Variants in PPTC7 observed in about 807,000 individuals in gnomAD.
PPTC7 encodes the protein protein phosphatase PTC7 homolog.
In PPTC7, 6 loss-of-function variants were observed where a neutral mutation model predicts 30.8. The observed-to-expected ratio is 0.19, with a 90% CI of 0.11 to 0.38. The LOEUF (loss-of-function observed/expected upper bound fraction) is 0.38. Among genes scored for constraint, PPTC7 ranks in the 10% least tolerant of loss-of-function variants. PPTC7 has a pLI of 1.00. For synonymous variants in PPTC7, 163 were observed against 168.1 expected, an observed-to-expected ratio of 0.97 and a Z score of 0.23; for missense variants, 218 against 404.8, an observed-to-expected ratio of 0.54 and a Z score of 3.96.
chr12:110,582,734 TG>T, intron 1 of PPTC7, 74 bp downstream of exon 1: 1 of 1,276,036 alleles, frequency 7.8e-7, no homozygotes, highest in Non-Finnish European at 1.1e-6. Context: ...CGGGAGGAAC[TG>T]GGGAAGCCCC....
chr12:110,554,363 G>A (rs1230395329), intron 1 of PPTC7, among the ~76,000 whole-genome samples: 2 of 152,094 alleles, frequency 1.3e-5, no homozygotes, highest in Non-Finnish European at 2.9e-5. Context: ...TGGCAATACA[G>A]AGTCAGGATC....
chr12:110,554,727 C>T (rs928071994), intron 1 of PPTC7, among the ~76,000 whole-genome samples: 1 of 152,100 alleles, frequency 6.6e-6, no homozygotes, highest in African/African-American at 2.4e-5. Flanking sequence ...TTCTTTCCAA[C>T]ACTAAAACCA....
rs764629748 is a variant in PPTC7 at position 110,582,942 on chromosome 12, G to A, written c.90C>T (p.Gly30=). 7.7e-5 allele frequency: 118 copies of A among 1,541,954 alleles called. No individual in the cohort carries two copies. The African/African-American group carries it at 1.4e-3, about 18-fold the overall frequency. ...CCGTCACCAGTCCGTAGTCGCCGCC[G>A]CCGCCGCCGCCGGCCCTGGGGTCGG... ...SQTDPRAGGG[G]GGDYGLVTAG... The change falls in exon 1 of 6, where the codon GGC becomes GGT. Residue 30 remains glycine (G), a synonymous_variant. Transcript: ENST00000354300.
intron 1 of PPTC7, among the ~76,000 whole-genome samples, chr12:110,561,932 A>G (rs1435358764): frequency 6.6e-6 from 1 of 151,502 alleles, no homozygotes; most frequent in Non-Finnish European, 1.5e-5. Context: ...ACACAGCAAG[A>G]CCTGCCTCAA....
At chr12:110,580,328 G>T (rs1184088815) in intron 1 of PPTC7, among the ~76,000 whole-genome samples, 2 of 152,140 alleles carry the variant, frequency 1.3e-5, no homozygotes, top group East Asian at 1.9e-4. Context: ...TAAGAAGGTA[G>T]CCTTCCAAAA....
At chr12:110,564,257 T>G (rs901167626) in intron 1 of PPTC7, among the ~76,000 whole-genome samples, 2 of 152,250 alleles carry the variant, frequency 1.3e-5, no homozygotes, top group Non-Finnish European at 2.9e-5. Flanking sequence ...AAGTTATGAA[T>G]AGCAGAGACA....
At position 110,582,930 on chromosome 12, in the gene PPTC7, G is replaced by A. The variant is rs1230656347; in HGVS notation, c.102C>T (p.Tyr34=). 3 of 1,547,262 alleles carry A rather than the reference G, an allele frequency of 1.9e-6. No individual in the cohort carries two copies. Among genetic ancestry groups the A allele is most frequent in the African/African-American group, 1.4e-5 (1 of 72,666 alleles). The change falls in exon 1 of 6, where the codon TAC becomes TAT. Residue 34 remains tyrosine, a synonymous_variant. Transcript: ENST00000354300. ...AGCCGCAGCCGGCCGTCACCAGTCC[G>A]TAGTCGCCGCCGCCGCCGCCGCCGG... ...PRAGGGGGGD[Y]GLVTAGCGFG... is the part of the protein sequence containing the mutation.
chr12:110,536,493 A>G lies in PPTC7; in HGVS notation c.*544T>C, dbSNP rs1291161433. On this transcript the variant is annotated 3_prime_UTR_variant, in exon 6 of 6. Coordinates refer to ENST00000354300, the MANE Select transcript of PPTC7 (RefSeq NM_139283.2). ...TGTATAACCCAGAGCAATGTTTTAGAGCAGAATCATAAGCCCCTGAAAAAT... is the reference window on the plus strand; with the variant it reads ...TGTATAACCCAGAGCAATGTTTTAGGGCAGAATCATAAGCCCCTGAAAAAT... The G allele has an allele frequency of 6.6e-6, 1 of 152,322 alleles. No homozygotes were observed. The highest frequency in any genetic ancestry group is 2.4e-5 in the African/African-American group (1 of 41,476). The allele number at this position is 152,322 out of a possible 1,614,324, so 9.4% of individuals were successfully genotyped here.
chr12:110,571,622 TCTAA>T (rs1305877190), intron 1 of PPTC7, among the ~76,000 whole-genome samples: 1 of 152,230 alleles, frequency 6.6e-6, no homozygotes, highest in Non-Finnish European at 1.5e-5. Flanking sequence ...GCTGCTCACC[TCTAA>T]CTGTGCCTAA....
At chr12:110,544,479 A>T (rs1178022937) in intron 3 of PPTC7, among the ~76,000 whole-genome samples, 1 of 152,246 alleles carries the variant, frequency 6.6e-6, no homozygotes, top group Non-Finnish European at 1.5e-5. Flanking sequence ...CTGAAATCTG[A>T]GGCTTTGCCT....
Position 110,534,866 on chromosome 12 carries a change from G to C in PPTC7, c.*2171C>G, listed in dbSNP as rs899760366. ...GTGTTTGACGGGTTAAATGAGAGCA[G>C]AGAAAAACCAGAAACTTGACGAGCA... On this transcript the variant is annotated 3_prime_UTR_variant, in exon 6 of 6. Coordinates refer to ENST00000354300, the MANE Select transcript of PPTC7 (RefSeq NM_139283.2). The C allele has an allele frequency of 1.3e-5, 2 of 152,572 alleles. No homozygotes were observed. The highest frequency in any genetic ancestry group is 2.9e-5 in the Non-Finnish European group (2 of 68,030). 9.5% of individuals were successfully genotyped at this position (152,572 alleles called of 1,614,324 possible). A position where few individuals can be genotyped will look rare whatever the true frequency, so the allele number is the denominator to read the frequency against.
intron 2 of PPTC7, among the ~76,000 whole-genome samples, chr12:110,547,976 G>A (rs920560965): frequency 2.0e-5 from 3 of 152,088 alleles, no homozygotes; most frequent in Admixed American, 1.3e-4. Flanking sequence ...ACGTGGTGGT[G>A]CACACCTGTA....
At chr12:110,579,063 C>T (rs1410591760) in intron 1 of PPTC7, among the ~76,000 whole-genome samples, 4 of 151,968 alleles carry the variant, frequency 2.6e-5, no homozygotes, top group Non-Finnish European at 5.9e-5. Context: ...GCACAAGAAT[C>T]GCTTGAAGCT....
intron 3 of PPTC7, among the ~76,000 whole-genome samples, chr12:110,542,297 C>T (rs1294381926): frequency 6.6e-6 from 1 of 150,760 alleles, no homozygotes; most frequent in Non-Finnish European, 1.5e-5. Flanking sequence ...CAACCATTTC[C>T]GTAAAAAAAA....
intron 4 of PPTC7, among the ~76,000 whole-genome samples, chr12:110,539,049 G>A (rs752160399): frequency 6.6e-5 from 10 of 152,178 alleles, no homozygotes; most frequent in Non-Finnish European, 1.2e-4. Flanking sequence ...ACCACACAGA[G>A]CACGGTGCCT....
chr12:110,534,772 C>A lies in PPTC7; in HGVS notation c.*2265G>T, dbSNP rs2064206711. ...AAACACATCGTCAATTTCTAACAATCGTTTCTCAAAAAGGTAAGCTGAGTA... is the reference window on the plus strand; with the variant it reads ...AAACACATCGTCAATTTCTAACAATAGTTTCTCAAAAAGGTAAGCTGAGTA... On this transcript the variant is annotated 3_prime_UTR_variant, in exon 6 of 6. Coordinates refer to ENST00000354300, the MANE Select transcript of PPTC7 (RefSeq NM_139283.2). 6.6e-6 allele frequency: 1 copy of A among 152,282 alleles called. No individual in the cohort carries two copies. The highest frequency in any genetic ancestry group is 1.5e-5 in the Non-Finnish European group (1 of 68,026). The allele number at this position is 152,282 out of a possible 1,614,324, so 9.4% of individuals were successfully genotyped here.
intron 1 of PPTC7, among the ~76,000 whole-genome samples, chr12:110,575,050 A>G (rs1295912045): frequency 6.6e-6 from 1 of 150,516 alleles, no homozygotes; most frequent in Non-Finnish European, 1.5e-5. Flanking sequence ...TTGGCCTCCC[A>G]AAGTTCTGGG....
chr12:110,569,033 C>T (rs1248151466), intron 1 of PPTC7, among the ~76,000 whole-genome samples: 2 of 23,332 alleles, frequency 8.6e-5, no homozygotes, highest in African/African-American at 2.4e-4. Context: ...CCTGTCCCCG[C>T]CCCCCCCCCT....
intron 1 of PPTC7, among the ~76,000 whole-genome samples, chr12:110,573,598 C>T (rs963728546): frequency 2.0e-5 from 3 of 152,144 alleles, no homozygotes; most frequent in Non-Finnish European, 4.4e-5. Flanking sequence ...CTATAGCTTA[C>T]TATAGCTGAG....
Sources: allele counts gnomAD v4.1 joint callset (sites outside exome capture counted in the v4.1 genomes callset), GRCh38; gene constraint gnomAD v4.1.1; transcripts MANE v1.5; gene names NCBI Gene and HGNC (gene_info 2026-07-23, HGNC 2026-07-21).